Variants in BSDC1 observed in about 807,000 individuals in gnomAD.
BSDC1 encodes the protein BSD domain containing 1, also known as BSD domain-containing protein 1.
In BSDC1, 29 loss-of-function variants were observed where a neutral mutation model predicts 56.0. The observed-to-expected ratio is 0.52, with a 90% CI of 0.39 to 0.71. The LOEUF is 0.71. BSDC1 is among the 30% of genes least tolerant of loss of function. BSDC1 has a pLI of 0.00. For missense variants in BSDC1, 477 were observed against 548.5 expected (o/e 0.87, Z 1.30); for synonymous variants, 210 against 215.3 (o/e 0.98, Z 0.21).
At chr1:32,380,744 T>C (rs1267350412) in intron 5 of BSDC1, among the ~76,000 whole-genome samples, 3 of 152,262 alleles carry the variant, frequency 2.0e-5, no homozygotes, top group Non-Finnish European at 4.4e-5. Context: ...TGGCTCCTGC[T>C]GCCCCGCTGC....
At chr1:32,369,513 A>G (rs1641991245) in intron 9 of BSDC1, among the ~76,000 whole-genome samples, 1 of 152,066 alleles carries the variant, frequency 6.6e-6, no homozygotes, top group Non-Finnish European at 1.5e-5. Context: ...GTCTCTAAAG[A>G]AAACAAAAAC....
At chr1:32,380,515 G>A (rs191217347) in intron 5 of BSDC1, among the ~76,000 whole-genome samples, 2,153 of 152,162 alleles carry the variant, frequency 0.014, 17 homozygotes, top group Middle Eastern at 0.037. Context: ...ATGTGGTGGC[G>A]GGCGCCTGTA....
chr1:32,383,562 C>A (rs1043547911), intron 4 of BSDC1, among the ~76,000 whole-genome samples: 4 of 151,272 alleles, frequency 2.6e-5, no homozygotes, highest in Non-Finnish European at 4.4e-5. Context: ...GAAGAAAAAA[C>A]CAAACTATCT....
intron 4 of BSDC1, 38 bp from the exon 5 acceptor site, chr1:32,381,306 G>C: frequency 6.3e-7 from 1 of 1,597,166 alleles, no homozygotes; most frequent in Non-Finnish European, 8.6e-7. Context: ...GAAATTCTGA[G>C]ATACTGGGCA....
rs552287011 is a variant in BSDC1, at chr1:32,375,310, A to T, written c.1156+952T>A. On this transcript the variant is annotated intron_variant, in intron 9 of 10. Coordinates refer to ENST00000455895, the MANE Select transcript of BSDC1 (RefSeq NM_018045.8). Reference sequence around the variant, plus strand: ...CATTTCCCATCCACTGTGGCAAACCAGTCCCTTACTACACCAGCAGGCCAG... The same window carrying T: ...CATTTCCCATCCACTGTGGCAAACCTGTCCCTTACTACACCAGCAGGCCAG... Among the ~76,000 whole-genome samples, 20 of 152,194 alleles carry T rather than the reference A, an allele frequency of 1.3e-4. No homozygotes were observed. The East Asian group carries it at 3.7e-3, about 28-fold the overall frequency.
chr1:32,378,808 G>A lies in BSDC1; in HGVS notation c.444C>T (p.Ser148=). The change falls in exon 6 of 11, where the codon TCC becomes TCT. Residue 148 remains serine (S), a synonymous_variant. Transcript: ENST00000455895. This position sits in a 1 kb window ranked among gnomAD's most constrained non-coding sequence, Gnocchi z 5.2. The part of the protein sequence containing the change: ...GPPELFDAWL[S]QFCLEEKKGE... ...CCTTCTTCTCCTCCAAGCAGAACTGGGAAAGCCAGGCGTCAAACAATTCCG... is the reference window on the plus strand; with the variant it reads ...CCTTCTTCTCCTCCAAGCAGAACTGAGAAAGCCAGGCGTCAAACAATTCCG... The A allele has an allele frequency of 1.3e-6, 2 of 1,541,988 alleles. No individual in the cohort carries two copies. Among genetic ancestry groups the A allele is most frequent in the African/African-American group, 1.4e-5 (1 of 72,514 alleles).
At chr1:32,394,045 C>T in intron 2 of BSDC1, 35 bp downstream of exon 2, 1 of 1,596,210 alleles carries the variant, frequency 6.3e-7, no homozygotes, top group Non-Finnish European at 8.5e-7. Context: ...GGCGCAGGGC[C>T]CTGCTGAGGG....
At position 32,381,283 on chromosome 1, in the gene BSDC1, G is replaced by C. The variant is rs1050385235; in HGVS notation, c.358-15C>G. 1 of 1,613,066 alleles carries C rather than the reference G, an allele frequency of 6.2e-7. No individual in the cohort carries two copies. The highest frequency in any genetic ancestry group is 8.5e-7 in the Non-Finnish European group (1 of 1,179,430). ...TAGAGGCGAGCCTGTAAGAAAAGGA[G>C]AAGAGGAAAACAGAAATTCTGAGAT... On this transcript the variant is annotated splice_polypyrimidine_tract_variant and intron_variant, in intron 4 of 10. Coordinates refer to ENST00000455895, the MANE Select transcript of BSDC1 (RefSeq NM_018045.8).
At chr1:32,372,106 T>C (rs955481526) in intron 9 of BSDC1, among the ~76,000 whole-genome samples, 1 of 152,210 alleles carries the variant, frequency 6.6e-6, no homozygotes, top group Non-Finnish European at 1.5e-5. Flanking sequence ...GGTATGAATG[T>C]AAAGTGCCTA....
intron 8 of BSDC1, among the ~76,000 whole-genome samples, chr1:32,377,012 T>C (rs551383457): frequency 2.4e-4 from 37 of 152,266 alleles, no homozygotes; most frequent in South Asian, 1.0e-3. Flanking sequence ...GGCACGTGCC[T>C]GTAATCCCAG....
In BSDC1 at chr1:32,368,561, G is replaced by A. The variant is rs1267016373; in HGVS notation, c.1157-11C>T. On this transcript the variant is annotated splice_polypyrimidine_tract_variant and intron_variant, in intron 9 of 10. Transcript: ENST00000455895. ...TGTCCGTGCTTGAGCCTGGAACCAC[G>A]AGCCACAGTGTGAAAAGCAGGAGGA... The A allele has an allele frequency of 8.7e-6, 14 of 1,614,048 alleles. No homozygotes were observed. The highest frequency in any genetic ancestry group is 3.3e-5 in the South Asian group (3 of 91,072).
At chr1:32,370,803 C>CAAAAA (rs58351365) in intron 9 of BSDC1, among the ~76,000 whole-genome samples, 5 of 50,120 alleles carry the variant, frequency 1.0e-4, no homozygotes, top group Non-Finnish European at 1.9e-4. Flanking sequence ...GACTCCGTCT[C>CAAAAA]AAAAAAAAAA....
intron 10 of BSDC1, chr1:32,367,509 C>G (rs1641895644): frequency 1.3e-5 from 13 of 985,422 alleles, no homozygotes; most frequent in Non-Finnish European, 1.6e-5. Context: ...AATCTGTCCA[C>G]CTCTTTCTAA....
At chr1:32,386,657 A>G in intron 3 of BSDC1, 122 bp downstream of exon 3, 1 of 587,546 alleles carries the variant, frequency 1.7e-6, no homozygotes, top group South Asian at 2.7e-5. Flanking sequence ...AATGGGAGGA[A>G]AAGTAATCCA....
At chr1:32,374,707 G>A (rs1021744878) in intron 9 of BSDC1, 3 of 152,198 alleles carry the variant, frequency 2.0e-5, no homozygotes, top group South Asian at 2.1e-4. Context: ...TCTCCTATAC[G>A]AGGCTTGTCT....
intron 5 of BSDC1, 64 bp downstream of exon 5, chr1:32,381,150 C>T (rs1418804657): frequency 2.6e-6 from 4 of 1,561,634 alleles, no homozygotes; most frequent in Admixed American, 3.4e-5. Context: ...CAAACAGGGT[C>T]TACAACCCAG....
chr1:32,386,917 T>A (rs771855420), intron 2 of BSDC1, 22 bp from the exon 3 acceptor site: 5 of 1,596,274 alleles, frequency 3.1e-6, no homozygotes, highest in Non-Finnish European at 4.3e-6. Flanking sequence ...CAGAGAGGGA[T>A]GCCAGGGCCA....
chr1:32,373,320 C>T (rs1410238789), intron 9 of BSDC1, among the ~76,000 whole-genome samples: 2 of 152,138 alleles, frequency 1.3e-5, no homozygotes. Context: ...TAGTTAAGAG[C>T]TTATGTTTAC....
At chr1:32,375,436 A>AG (rs1454454964) in intron 9 of BSDC1, among the ~76,000 whole-genome samples, 1 of 124,404 alleles carries the variant, frequency 8.0e-6, no homozygotes, top group Non-Finnish European at 1.7e-5. Flanking sequence ...GGGGGACTGG[A>AG]GGGGGGGTTC....
Sources: gnomAD v4.1 joint callset for allele counts (sites outside exome capture counted in the v4.1 genomes callset) on GRCh38, gnomAD v4.1.1 for gene constraint, Gnocchi (gnomAD v3.1) non-coding constraint, MANE v1.5 for transcripts, NCBI Gene and HGNC (gene_info 2026-07-23, HGNC 2026-07-21) for gene names.